ABCG8: variants seen among roughly 807,000 people sequenced by gnomAD.
ABCG8 encodes ATP binding cassette subfamily G member 8, also known as ATP-binding cassette sub-family G member 8.
In ABCG8, 81 loss-of-function variants were observed where a neutral mutation model predicts 71.3. That is an observed-to-expected ratio of 1.14 (90% CI 0.95 to 1.37). The LOEUF (loss-of-function observed/expected upper bound fraction) is 1.37, where lower values mean the gene tolerates loss of function less well. Among genes scored for constraint, ABCG8 ranks in the 40% most tolerant of loss-of-function variants. The pLI, the probability that ABCG8 is intolerant of heterozygous loss-of-function variation, is 0.00. For missense variants in ABCG8, 1,119 were observed against 866.2 expected (o/e 1.29, Z -3.66); for synonymous variants, 451 against 354.7 (o/e 1.27, Z -3.05).
chr2:43,839,151 T>C, intron 1 of ABCG8, 35 bp downstream of exon 1: 1 of 1,549,564 alleles, frequency 6.5e-7, no homozygotes, highest in Non-Finnish European at 8.7e-7. Flanking sequence ...CCAGGCCTGG[T>C]GGGCGGGTAG....
At position 43,874,398 on chromosome 2, in the gene ABCG8, A is replaced by ATT. The variant is rs138296512; in HGVS notation, c.1412-9_1412-8insTT. On this transcript the variant is annotated splice_polypyrimidine_tract_variant and intron_variant, in intron 9 of 12. Transcript: ENST00000272286. ...TCTTCATTCTCTTTTCCTTTCCCTTACTTTTTAGGTTACTCAGAGAGGGCA... is the reference window on the plus strand; with the variant it reads ...TCTTCATTCTCTTTTCCTTTCCCTTATTCTTTTTAGGTTACTCAGAGAGGGCA... The ATT allele has an allele frequency of 1.9e-5, 30 of 1,590,250 alleles. No individual in the cohort carries two copies. Among genetic ancestry groups the ATT allele is most frequent in the East Asian group, 1.6e-4 (7 of 44,688 alleles).
chr2:43,858,996 C>A (rs1353799469), intron 6 of ABCG8, among the ~76,000 whole-genome samples: 1 of 145,348 alleles, frequency 6.9e-6, no homozygotes, highest in East Asian at 1.9e-4. Context: ...GGCTATAATT[C>A]TCAAAATCTG....
At chr2:43,874,517 A>G (rs200112151) in intron 10 of ABCG8, 34 bp downstream of exon 10, 15 of 1,215,338 alleles carry the variant, frequency 1.2e-5, no homozygotes, top group Non-Finnish European at 1.8e-5. Context: ...AGTGCCCCCC[A>G]CCCACCAGGG....
rs4148221 is a variant in ABCG8, at chr2:43,875,352, C to T, written c.1695C>T (p.Ala565=). The T allele has an allele frequency of 0.16, 261,132 of 1,613,962 alleles. 22,135 individuals carry two copies. Among genetic ancestry groups the T allele is most frequent in the Non-Finnish European group, 0.17 (201,457 of 1,179,998 alleles). The change falls in exon 11 of 13, where the codon GCC becomes GCT. Residue 565 remains alanine, a synonymous_variant. Transcript: ENST00000272286. The part of the protein sequence containing the change: ...TFHMASFFSN[A]LYNSFYLAGG... ...ACATGGCCTCCTTCTTCAGCAATGC[C>T]CTCTACAACTCCTTCTACCTCGCCG...
At chr2:43,849,021 TAAAAAAAAAAAAAA>T (rs1193216137) in intron 3 of ABCG8, among the ~76,000 whole-genome samples, 1 of 54,710 alleles carries the variant, frequency 1.8e-5, no homozygotes, top group Admixed American at 1.9e-4. Flanking sequence ...AAACACTGTC[TAAAAAAAAAAAAAA>T]AAAAAAAAAA....
chr2:43,865,812 T>A (rs563153441), intron 6 of ABCG8, among the ~76,000 whole-genome samples: 1 of 150,562 alleles, frequency 6.6e-6, no homozygotes, highest in East Asian at 1.9e-4. Context: ...ACTTTCACTA[T>A]CTGTCTAGAT....
At chr2:43,870,343 A>G (rs1370565130) in intron 6 of ABCG8, among the ~76,000 whole-genome samples, 1 of 152,078 alleles carries the variant, frequency 6.6e-6, no homozygotes, top group Non-Finnish European at 1.5e-5. Context: ...ATCTATATGG[A>G]AAGAATTCAC....
chr2:43,856,563 T>G (rs1669115112), intron 6 of ABCG8, among the ~76,000 whole-genome samples: 1 of 151,838 alleles, frequency 6.6e-6, no homozygotes, highest in African/African-American at 2.4e-5. Context: ...TGGATAGAAC[T>G]CTCCCCATGT....
rs371514282 is a variant in ABCG8 at position 43,839,158 on chromosome 2, G to A, written c.63+42G>A. 148 of 1,545,808 alleles carry A rather than the reference G, an allele frequency of 9.6e-5. 3 individuals carry two copies. In the South Asian group the frequency reaches 1.6e-3, roughly 17 times the overall value. On this transcript the variant is annotated intron_variant, in intron 1 of 12. Coordinates refer to ENST00000272286, the MANE Select transcript of ABCG8 (RefSeq NM_022437.3). ...AAGTCGGCCCAGGCCTGGTGGGCGG[G>A]TAGGAGAAATCAAACCTTTCTCTCT...
chr2:43,874,484 G>A lies in ABCG8; in HGVS notation c.1488+1G>A. ...CACTGGTCCATATTTCTTTGCCAAGGTGACTGGGCAGGGTTGAGAGCAAGT... is the reference window on the plus strand; with the variant it reads ...CACTGGTCCATATTTCTTTGCCAAGATGACTGGGCAGGGTTGAGAGCAAGT... On this transcript the variant is annotated splice_donor_variant, in intron 10 of 12. Coordinates refer to ENST00000272286, the MANE Select transcript of ABCG8 (RefSeq NM_022437.3). LOFTEE classifies it high-confidence loss of function. 1 of 1,609,344 alleles carries A rather than the reference G, an allele frequency of 6.2e-7. No individual in the cohort carries two copies. Among genetic ancestry groups the A allele is most frequent in the Non-Finnish European group, 8.5e-7 (1 of 1,178,196 alleles).
intron 1 of ABCG8, 50 bp from the exon 2 acceptor site, chr2:43,844,457 T>C (rs776578515): frequency 4.8e-6 from 7 of 1,469,976 alleles, no homozygotes; most frequent in Non-Finnish European, 6.7e-6. Flanking sequence ...TCTTCTCCTA[T>C]GTTCTCAGCA....
chr2:43,877,204 G>A (rs1184981999), intron 11 of ABCG8, among the ~76,000 whole-genome samples: 1 of 151,250 alleles, frequency 6.6e-6, no homozygotes, highest in East Asian at 2.0e-4. Context: ...GGGAATATGG[G>A]GAGACCATGG....
At chr2:43,868,154 T>C (rs1669600877) in intron 6 of ABCG8, among the ~76,000 whole-genome samples, 2 of 148,830 alleles carry the variant, frequency 1.3e-5, no homozygotes, top group Admixed American at 1.3e-4. Context: ...TCAGTATCAA[T>C]GTGGATAGAA....
At chr2:43,848,378 C>T (rs1403432107) in intron 3 of ABCG8, 1 of 152,132 alleles carries the variant, frequency 6.6e-6, no homozygotes, top group Admixed American at 6.5e-5. Context: ...TGGGTATGGA[C>T]AGGAGCTCAT....
At chr2:43,861,232 A>G (rs1204734183) in intron 6 of ABCG8, among the ~76,000 whole-genome samples, 1 of 150,822 alleles carries the variant, frequency 6.6e-6, no homozygotes, top group Admixed American at 6.6e-5. Context: ...CTGGATAAAC[A>G]TCTCACTATC....
At chr2:43,856,283 T>C (rs950226749) in intron 6 of ABCG8, among the ~76,000 whole-genome samples, 1 of 152,124 alleles carries the variant, frequency 6.6e-6, no homozygotes, top group African/African-American at 2.4e-5. Context: ...GATGGAATTC[T>C]CACTCTCTGG....
rs530977091 is a variant in ABCG8 at position 43,881,903 on chromosome 2, C to T, written c.*3990C>T. The T allele has an allele frequency of 9.9e-5, 15 of 152,194 alleles. No individual in the cohort carries two copies. Among genetic ancestry groups the T allele is most frequent in the Non-Finnish European group, 2.1e-4 (14 of 68,040 alleles). The allele number at this position is 152,194 out of a possible 1,614,324, so 9.4% of individuals were successfully genotyped here. On this transcript the variant is annotated 3_prime_UTR_variant, in exon 13 of 13. Transcript: ENST00000272286. ...TATAGGCTCTGCTGCAATTACTTAACTCTGCTGTTACAGTGTGAGAGCAGC... is the reference window on the plus strand; with the variant it reads ...TATAGGCTCTGCTGCAATTACTTAATTCTGCTGTTACAGTGTGAGAGCAGC...
chr2:43,870,217 C>T (rs1488824887), intron 6 of ABCG8, among the ~76,000 whole-genome samples: 4 of 149,834 alleles, frequency 2.7e-5, no homozygotes, highest in Non-Finnish European at 5.9e-5. Context: ...TTCTCACTGT[C>T]TGGATATAAT....
intron 6 of ABCG8, among the ~76,000 whole-genome samples, chr2:43,865,466 AGTCTCTG>A (rs750759739): frequency 2.6e-5 from 4 of 151,604 alleles, no homozygotes; most frequent in Non-Finnish European, 5.9e-5. Flanking sequence ...TAGAATTCTC[AGTCTCTG>A]CATAGCACTC....
Sources: allele counts gnomAD v4.1 joint callset (sites outside exome capture counted in the v4.1 genomes callset), GRCh38; gene constraint gnomAD v4.1.1; transcripts MANE v1.5; gene names NCBI Gene and HGNC (gene_info 2026-07-23, HGNC 2026-07-21).